The following CHEK2 variants were observed in gnomAD, a reference collection of about 807,000 sequenced individuals.
The protein encoded by CHEK2 is serine/threonine-protein kinase Chk2.
In CHEK2, 71 loss-of-function variants were observed where a neutral mutation model predicts 69.1. The observed-to-expected ratio is 1.03, with a 90% confidence interval of 0.85 to 1.25. The LOEUF is 1.25. CHEK2 is among the 50% of genes most tolerant of loss of function. The probability of loss-of-function intolerance (pLI) is 0.00; values close to 1 mark genes in which losing one functional copy is unlikely to be tolerated. For synonymous variants in CHEK2, 189 were observed against 226.9 expected (o/e 0.83, Z 1.50); for missense variants, 664 against 649.6 (o/e 1.02, Z -0.24).
chr22:28,708,554 C>G (rs1277998175), intron 7 of CHEK2, among the ~76,000 whole-genome samples: 1 of 152,014 alleles, frequency 6.6e-6, no homozygotes, highest in Non-Finnish European at 1.5e-5. Context: ...TCTAAAGGAA[C>G]CTGCTGAAGT....
intron 2 of CHEK2, among the ~76,000 whole-genome samples, chr22:28,730,256 G>A (rs2054162837): frequency 7.5e-6 from 1 of 133,506 alleles, no homozygotes; most frequent in Non-Finnish European, 1.6e-5. Flanking sequence ...GAGGAGAGGA[G>A]GGGAGGGGAG....
chr22:28,704,688 T>C (rs1469146595), intron 7 of CHEK2, among the ~76,000 whole-genome samples: 3 of 152,130 alleles, frequency 2.0e-5, no homozygotes, highest in African/African-American at 7.2e-5. Flanking sequence ...GCTCAGTGGG[T>C]AAATAAAAGA....
chr22:28,730,156 T>C (rs1017824997), intron 2 of CHEK2, among the ~76,000 whole-genome samples: 2 of 146,774 alleles, frequency 1.4e-5, no homozygotes, highest in African/African-American at 5.1e-5. Flanking sequence ...AAAGAACTTT[T>C]ATGAAACATC....
At chr22:28,736,493 T>C (rs1345840978) in intron 1 of CHEK2, among the ~76,000 whole-genome samples, 2 of 152,236 alleles carry the variant, frequency 1.3e-5, no homozygotes, top group Non-Finnish European at 2.9e-5. Flanking sequence ...ACCTATCCCT[T>C]TGTGATGCTA....
chr22:28,704,311 CT>C (rs538567741), intron 7 of CHEK2, among the ~76,000 whole-genome samples: 2,907 of 147,850 alleles, frequency 0.02, 45 homozygotes, highest in South Asian at 0.059. Flanking sequence ...ATTTTTCTTT[CT>C]TTTTTTTTTA....
At chr22:28,705,363 C>CCA (rs774712099) in intron 7 of CHEK2, among the ~76,000 whole-genome samples, 4 of 152,112 alleles carry the variant, frequency 2.6e-5, no homozygotes, top group East Asian at 3.9e-4. Context: ...AGGTGTGAGC[C>CCA]ACTGCACCCG....
intron 2 of CHEK2, among the ~76,000 whole-genome samples, chr22:28,729,557 A>AG (rs1245660456): frequency 1.3e-5 from 2 of 151,036 alleles, no homozygotes; most frequent in Admixed American, 6.6e-5. Context: ...AAAAAAAAAA[A>AG]AAAAAAAAGA....
intron 4 of CHEK2, among the ~76,000 whole-genome samples, chr22:28,719,931 C>T (rs17879183): frequency 1.6e-4 from 25 of 152,062 alleles, no homozygotes; most frequent in African/African-American, 2.2e-4. Flanking sequence ...TATCACCATA[C>T]GGGTATTATC....
chr22:28,703,395 C>T, intron 8 of CHEK2, 110 bp downstream of exon 8: 1 of 695,350 alleles, frequency 1.4e-6, no homozygotes, highest in South Asian at 1.6e-5. Context: ...CTACTACATA[C>T]ATACGTTGAG....
At chr22:28,695,953 A>T (rs2145808682) in intron 10 of CHEK2, 80 bp from the exon 11 acceptor site, 1 of 1,107,356 alleles carries the variant, frequency 9.0e-7, no homozygotes, top group Non-Finnish European at 1.4e-6. Context: ...GTCCAAGAAG[A>T]CACGTAGGCT....
chr22:28,728,003 A>C (rs2054069691), intron 2 of CHEK2: 1 of 152,252 alleles, frequency 6.6e-6, no homozygotes. Flanking sequence ...ACGATGGCTC[A>C]CACCTGTAAT....
rs758481541 is a variant in CHEK2, at chr22:28,695,888, A to C, written c.1096-15T>G. On this transcript the variant is annotated splice_polypyrimidine_tract_variant and intron_variant, in intron 10 of 14. Transcript: ENST00000404276. ...AAATCAGTAATCTAAAATTCAGTAC[A>C]AAAGGGAATAATGTTGAACTTGCCA... The C allele has an allele frequency of 4.4e-6, 7 of 1,597,382 alleles. No individual in the cohort carries two copies. The South Asian group carries it at 7.7e-5, about 18-fold the overall frequency.
At chr22:28,716,859 C>T (rs1321596255) in intron 5 of CHEK2, among the ~76,000 whole-genome samples, 4 of 152,164 alleles carry the variant, frequency 2.6e-5, no homozygotes, top group Non-Finnish European at 4.4e-5. Context: ...CACAACTATG[C>T]TCAGAATAAT....
At chr22:28,712,176 A>G in intron 5 of CHEK2, 159 bp from the exon 6 acceptor site, 2 of 667,144 alleles carry the variant, frequency 3.0e-6, no homozygotes, top group South Asian at 3.4e-5. Flanking sequence ...TCACCAGTGT[A>G]AAATGTCAAG....
intron 5 of CHEK2, among the ~76,000 whole-genome samples, chr22:28,712,456 T>C (rs6005843): frequency 0.068 from 10,398 of 152,304 alleles, 423 homozygotes; most frequent in African/African-American, 0.1. Flanking sequence ...TTCCTTCTTA[T>C]TCTCCATCTT....
intron 2 of CHEK2, among the ~76,000 whole-genome samples, chr22:28,730,125 G>A (rs2054152151): frequency 6.7e-6 from 1 of 149,282 alleles, no homozygotes; most frequent in African/African-American, 2.5e-5. Flanking sequence ...TTACAGGCAT[G>A]AGCCACTGCA....
At chr22:28,740,365 C>G (rs2054520811) in intron 1 of CHEK2, among the ~76,000 whole-genome samples, 1 of 152,214 alleles carries the variant, frequency 6.6e-6, no homozygotes, top group Non-Finnish European at 1.5e-5. Flanking sequence ...CACCCAGTAT[C>G]CGCCATCAAA....
At chr22:28,693,535 T>C (rs1053926163) in intron 13 of CHEK2, among the ~76,000 whole-genome samples, 2 of 151,454 alleles carry the variant, frequency 1.3e-5, no homozygotes, top group African/African-American at 4.9e-5. Context: ...TGGCTGGGGG[T>C]AGAGCCAGAA....
At position 28,710,066 on chromosome 22, in the gene CHEK2, T is replaced by C. The variant is rs1569138057; in HGVS notation, c.793-7A>G. The C allele has an allele frequency of 1.3e-6, 2 of 1,541,266 alleles. No homozygotes were observed. Among genetic ancestry groups the C allele is most frequent in the Non-Finnish European group, 1.8e-6 (2 of 1,116,382 alleles). ...CAACATTGAGAGCTGGGTCCTTTGA[T>C]AAACAGAATAACAGAGTTTATTAGT... On this transcript the variant is annotated splice_polypyrimidine_tract_variant and splice_region_variant and intron_variant, in intron 6 of 14. Transcript: ENST00000404276.
Sources: gnomAD v4.1 joint callset for allele counts (sites outside exome capture counted in the v4.1 genomes callset) on GRCh38, gnomAD v4.1.1 for gene constraint, MANE v1.5 for transcripts, NCBI Gene and HGNC (gene_info 2026-07-23, HGNC 2026-07-21) for gene names.